Variants in UNC5A observed in about 807,000 individuals in gnomAD.
UNC5A encodes unc-5 netrin receptor A.
Under a neutral mutation model 87.4 loss-of-function variants are expected in UNC5A, and 20 were observed. That is an observed-to-expected ratio of 0.23 (90% CI 0.16 to 0.33). The LOEUF is 0.33. Among genes scored for constraint, UNC5A ranks in the 10% least tolerant of loss-of-function variants. The probability of loss-of-function intolerance (pLI) is 1.00; values close to 1 mark genes in which losing one functional copy is unlikely to be tolerated. For missense variants in UNC5A, 844 were observed against 1,133.4 expected (o/e 0.74, Z 3.67); for synonymous variants, 438 against 482.3 (o/e 0.91, Z 1.20).
At chr5:176,840,890 C>A (rs1581255124) in intron 1 of UNC5A, among the ~76,000 whole-genome samples, 1 of 152,374 alleles carries the variant, frequency 6.6e-6, no homozygotes, top group Middle Eastern at 3.4e-3. Flanking sequence ...GGTCCCCCCA[C>A]AACGCTTGAG....
chr5:176,835,346 G>A (rs1037208645), intron 1 of UNC5A, among the ~76,000 whole-genome samples: 4 of 152,248 alleles, frequency 2.6e-5, no homozygotes, highest in East Asian at 3.8e-4. Context: ...AACAGAGGCC[G>A]CTTGCCCAGT....
At position 176,875,495 on chromosome 5, in the gene UNC5A, G is replaced by A. The variant is rs988297164; in HGVS notation, c.1378+929G>A. Among the ~76,000 whole-genome samples the A allele has an allele frequency of 1.3e-5, 2 of 152,012 alleles. No homozygotes were observed. ...CCCCGCCAGCTTCAGTCCCACGCCAGTCCCTCCTCAATAGCTCCTGCCACC... is the reference window on the plus strand; with the variant it reads ...CCCCGCCAGCTTCAGTCCCACGCCAATCCCTCCTCAATAGCTCCTGCCACC... On this transcript the variant is annotated intron_variant, in intron 8 of 14. Transcript: ENST00000329542. The surrounding 1 kb of genome is among the most constrained non-coding windows in gnomAD (Gnocchi z 5.2).
chr5:176,873,816 G>A (rs1217716509), intron 6 of UNC5A, 152 bp from the exon 7 acceptor site: 21 of 713,106 alleles, frequency 2.9e-5, no homozygotes, highest in South Asian at 5.6e-5. Flanking sequence ...GCACACGCAC[G>A]GACTCCATGC....
At chr5:176,818,643 G>A (rs1756653796) in intron 1 of UNC5A, among the ~76,000 whole-genome samples, 1 of 152,098 alleles carries the variant, frequency 6.6e-6, no homozygotes, top group African/African-American at 2.4e-5. Flanking sequence ...CTACTACTCT[G>A]CCCGATCTCC....
chr5:176,834,665 T>TTCTCTCTCTCTCTCTCTCTCTC lies in UNC5A; in HGVS notation c.70+23863_70+23884dup, dbSNP rs369472376. On this transcript the variant is annotated intron_variant, in intron 1 of 14. Transcript: ENST00000329542. ...TCTCTGCAGGTTCCCACGTCCCGTC[T>TTCTCTCTCTCTCTCTCTCTCTC]TCTCTCTCTCTCTCTCTCTCTCTCT... 3.9e-4 allele frequency among the ~76,000 whole-genome samples: 40 copies of TTCTCTCTCTCTCTCTCTCTCTC among 101,354 alleles called. 1 individual carries two copies. Among genetic ancestry groups the TTCTCTCTCTCTCTCTCTCTCTC allele is most frequent in the African/African-American group, 1.1e-3 (27 of 25,636 alleles). 66.5% of individuals were successfully genotyped at this position (101,354 alleles called of 152,430 possible).
In UNC5A at chr5:176,874,842, T is replaced by C. The variant is rs1162063112; in HGVS notation, c.1378+276T>C. On this transcript the variant is annotated intron_variant, in intron 8 of 14. Coordinates refer to ENST00000329542, the MANE Select transcript of UNC5A (RefSeq NM_133369.3). The surrounding 1 kb of genome is among the most constrained non-coding windows in gnomAD (Gnocchi z 7.6). ...CCATGTGGGGCCCTGGGCCCAGAGG[T>C]AGGGCAAGCCCCGGCCCCAAGGAGC... 6.6e-6 allele frequency among the ~76,000 whole-genome samples: 1 copy of C among 152,094 alleles called. No individual in the cohort carries two copies. Among genetic ancestry groups the C allele is most frequent in the African/African-American group, 2.4e-5 (1 of 41,414 alleles).
chr5:176,855,981 G>T (rs1034702224), intron 1 of UNC5A, among the ~76,000 whole-genome samples: 1 of 152,106 alleles, frequency 6.6e-6, no homozygotes. Flanking sequence ...GGCGGACGGC[G>T]CCCGCCACCA....
At chr5:176,858,049 C>T (rs558513321) in intron 1 of UNC5A, among the ~76,000 whole-genome samples, 38 of 152,336 alleles carry the variant, frequency 2.5e-4, no homozygotes, top group Admixed American at 1.8e-3. Flanking sequence ...CTCACACGCC[C>T]GTCCGTCAGT....
chr5:176,839,803 CT>C (rs1201152893), intron 1 of UNC5A, among the ~76,000 whole-genome samples: 258 of 145,206 alleles, frequency 1.8e-3, no homozygotes, highest in African/African-American at 5.7e-3. Flanking sequence ...TTCACGGCCA[CT>C]TCCTTTTTTT....
chr5:176,828,100 G>T (rs1756899575), intron 1 of UNC5A, among the ~76,000 whole-genome samples: 1 of 151,738 alleles, frequency 6.6e-6, no homozygotes, highest in South Asian at 2.1e-4. Context: ...CCCACCCCCA[G>T]CCAGGAGCTG....
chr5:176,861,695 A>G (rs1757844284), intron 1 of UNC5A, among the ~76,000 whole-genome samples: 1 of 152,194 alleles, frequency 6.6e-6, no homozygotes, highest in Non-Finnish European at 1.5e-5. Context: ...ACAGATAGCA[A>G]GCCACTCGCT....
At position 176,874,379 on chromosome 5, in the gene UNC5A, G is replaced by A. The variant is rs561304851; in HGVS notation, c.1191G>A (p.Gly397=). ...GCCCCAAGTTCCAGCTCACCAATGG[G>A]CACCTGCTCAGCCCCCTGGGTGGCG... The part of the protein sequence containing the change: ...GPSPKFQLTN[G]HLLSPLGGGR... Residue 397 remains glycine (G), a synonymous_variant, in exon 8 of 15, where the codon GGG becomes GGA. Transcript: ENST00000329542. This position sits in a 1 kb window ranked among gnomAD's most constrained non-coding sequence, Gnocchi z 7.6. 1 of 1,613,704 alleles carries A rather than the reference G, an allele frequency of 6.2e-7. No homozygotes were observed. The highest frequency in any genetic ancestry group is 1.3e-5 in the African/African-American group (1 of 75,024).
At chr5:176,826,367 G>T (rs1473930941) in intron 1 of UNC5A, among the ~76,000 whole-genome samples, 1 of 152,222 alleles carries the variant, frequency 6.6e-6, no homozygotes, top group Non-Finnish European at 1.5e-5. Flanking sequence ...AGGGCGCAGG[G>T]AGCAGGCCAG....
Position 176,870,488 on chromosome 5 carries a change from C to T in UNC5A, c.840C>T (p.Gly280=). The T allele has an allele frequency of 6.2e-7, 1 of 1,610,102 alleles. No homozygotes were observed. The highest frequency in any genetic ancestry group is 8.5e-7 in the Non-Finnish European group (1 of 1,177,730). The change falls in exon 6 of 15, where the codon GGC becomes GGT. Residue 280 remains glycine, a synonymous_variant. Coordinates refer to ENST00000329542, the MANE Select transcript of UNC5A (RefSeq NM_133369.3). Reference sequence around the variant, plus strand: ...GCAACGGAGGGGAGGAGTGCCAGGGCACTGACCTGGACACCCGCAACTGTA... The same window carrying T: ...GCAACGGAGGGGAGGAGTGCCAGGGTACTGACCTGGACACCCGCAACTGTA... ...APRNGGEECQ[G]TDLDTRNCTS...
rs187171821 is a variant in UNC5A at position 176,838,956 on chromosome 5, A to G, written c.71-23668A>G. ...ATAGCTTACTATGGAACAAGAGTGG[A>G]TCTCCAAAGAAAATGGGGCTGTTAT... On this transcript the variant is annotated intron_variant, in intron 1 of 14. Transcript: ENST00000329542. The surrounding 1 kb of genome is among the most constrained non-coding windows in gnomAD (Gnocchi z 4.2). Among the ~76,000 whole-genome samples the G allele has an allele frequency of 4.6e-5, 7 of 152,330 alleles. No individual in the cohort carries two copies. The East Asian group carries it at 1.4e-3, about 29-fold the overall frequency.
chr5:176,830,621 C>CGT (rs371926305), intron 1 of UNC5A, among the ~76,000 whole-genome samples: 97 of 106,186 alleles, frequency 9.1e-4, no homozygotes, highest in Admixed American at 1.7e-3. Context: ...TGTGCGCTGG[C>CGT]GTGTGTGTGT....
intron 1 of UNC5A, among the ~76,000 whole-genome samples, chr5:176,811,912 T>G (rs1251084176): frequency 6.6e-6 from 1 of 152,086 alleles, no homozygotes; most frequent in African/African-American, 2.4e-5. Context: ...CCAAACCAGA[T>G]TGATCAGAGA....
At chr5:176,879,015 G>A (rs780866511) in intron 13 of UNC5A, among the ~76,000 whole-genome samples, 2 of 152,176 alleles carry the variant, frequency 1.3e-5, no homozygotes, top group African/African-American at 2.4e-5. Flanking sequence ...GAAGAGAGCT[G>A]TGTGTGTTGA....
chr5:176,839,798 G>A (rs1337741863), intron 1 of UNC5A, among the ~76,000 whole-genome samples: 4 of 151,006 alleles, frequency 2.6e-5, no homozygotes, highest in Non-Finnish European at 4.4e-5. Context: ...GTGGCTTCAC[G>A]GCCACTTCCT....
Sources: allele counts gnomAD v4.1 joint callset (sites outside exome capture counted in the v4.1 genomes callset), GRCh38; gene constraint gnomAD v4.1.1; non-coding constraint Gnocchi (gnomAD v3.1); transcripts MANE v1.5; gene names NCBI Gene and HGNC (gene_info 2026-07-23, HGNC 2026-07-21).